SORCS2: variants seen among roughly 807,000 people sequenced by gnomAD.
SORCS2 encodes VPS10 domain-containing receptor SorCS2.
Under a neutral mutation model 141.6 loss-of-function variants are expected in SORCS2, and 100 were observed. The ratio of observed to expected loss-of-function variants is 0.71; its 90% CI spans 0.60 to 0.83. The LOEUF is 0.83. Ranked by LOEUF, SORCS2 falls within the 40% of genes least tolerant of loss-of-function variation. The pLI is 0.00. For synonymous variants in SORCS2, 789 were observed against 676.9 expected (o/e 1.17, Z -2.57); for missense variants, 1,646 against 1,560.2 (o/e 1.05, Z -0.93).
chr4:7,618,161 C>T (rs1203262447), intron 3 of SORCS2, among the ~76,000 whole-genome samples: 2 of 152,142 alleles, frequency 1.3e-5, no homozygotes, highest in Non-Finnish European at 2.9e-5. Flanking sequence ...TCACAGAAGC[C>T]TCCTCCGCAG....
intron 2 of SORCS2, among the ~76,000 whole-genome samples, chr4:7,457,371 G>A (rs1417529339): frequency 6.6e-6 from 1 of 152,260 alleles, no homozygotes; most frequent in African/African-American, 2.4e-5. Context: ...TGGGCCCCGA[G>A]TGGCTTTTGG....
intron 3 of SORCS2, among the ~76,000 whole-genome samples, chr4:7,547,543 G>A (rs879727403): frequency 9.2e-5 from 14 of 152,314 alleles, no homozygotes; most frequent in South Asian, 6.2e-4. Flanking sequence ...TCCAGACTGG[G>A]GCCTTGGCCC....
intron 3 of SORCS2, among the ~76,000 whole-genome samples, chr4:7,544,032 C>G (rs1192265108): frequency 6.8e-6 from 1 of 147,494 alleles, no homozygotes; most frequent in Admixed American, 6.8e-5. Flanking sequence ...ATCCATCCAG[C>G]CACCCACCCA....
chr4:7,720,062 GA>G (rs1726480719), intron 18 of SORCS2, among the ~76,000 whole-genome samples: 1 of 152,050 alleles, frequency 6.6e-6, no homozygotes, highest in South Asian at 2.1e-4. Context: ...CAAACACACA[GA>G]CACACACATG....
chr4:7,514,218 A>C (rs1368060999), intron 2 of SORCS2, among the ~76,000 whole-genome samples: 1 of 152,122 alleles, frequency 6.6e-6, no homozygotes, highest in Non-Finnish European at 1.5e-5. Flanking sequence ...CTGACTTGTG[A>C]CCAGGGTTGC....
intron 9 of SORCS2, among the ~76,000 whole-genome samples, chr4:7,679,697 T>C (rs1426558799): frequency 6.6e-6 from 1 of 150,456 alleles, no homozygotes; most frequent in East Asian, 2.0e-4. Context: ...ATTTGGACTC[T>C]AGCCTCCAAG....
intron 1 of SORCS2, among the ~76,000 whole-genome samples, chr4:7,352,091 C>T (rs1560212330): frequency 6.6e-6 from 1 of 152,190 alleles, no homozygotes; most frequent in East Asian, 1.9e-4. Context: ...CAGTGATGGA[C>T]AAGTCAGGTG....
At chr4:7,342,951 G>A (rs977958735) in intron 1 of SORCS2, among the ~76,000 whole-genome samples, 5 of 152,188 alleles carry the variant, frequency 3.3e-5, no homozygotes, top group Non-Finnish European at 7.3e-5. Flanking sequence ...CTCTGTCCTG[G>A]CTGTGTGGCC....
intron 14 of SORCS2, among the ~76,000 whole-genome samples, chr4:7,707,327 C>T (rs2109024553): frequency 6.6e-6 from 1 of 152,270 alleles, no homozygotes; most frequent in South Asian, 2.1e-4. Flanking sequence ...AGTCTGCCTC[C>T]CAGCTCCTGG....
At position 7,347,674 on chromosome 4, in the gene SORCS2, G is replaced by A. The variant is rs140868791; in HGVS notation, c.481-48614G>A. On this transcript the variant is annotated intron_variant, in intron 1 of 26. Coordinates refer to ENST00000507866, the MANE Select transcript of SORCS2 (RefSeq NM_020777.3). Reference sequence around the variant, plus strand: ...AGGTGAGGCATGCCATTCTGATCCTGTGGATTTGTGTGGACACTTTCCTCT... The same window carrying A: ...AGGTGAGGCATGCCATTCTGATCCTATGGATTTGTGTGGACACTTTCCTCT... Among the ~76,000 whole-genome samples the A allele has an allele frequency of 3.1e-3, 466 of 152,348 alleles. 1 individual carries two copies. The highest frequency in any genetic ancestry group is 0.01 in the African/African-American group (434 of 41,586).
At chr4:7,645,027 C>T (rs1427723294) in intron 4 of SORCS2, among the ~76,000 whole-genome samples, 1 of 152,244 alleles carries the variant, frequency 6.6e-6, no homozygotes, top group African/African-American at 2.4e-5. Flanking sequence ...CATAAAGCTC[C>T]AGGGCAGGCG....
intron 4 of SORCS2, among the ~76,000 whole-genome samples, chr4:7,639,493 TG>T (rs543602325): frequency 5.0e-5 from 7 of 140,972 alleles, no homozygotes; most frequent in East Asian, 2.7e-4. Flanking sequence ...TGAATGTGTG[TG>T]GGGGTGGGTG....
chr4:7,402,516 G>T (rs575328552), intron 2 of SORCS2, among the ~76,000 whole-genome samples: 3 of 152,296 alleles, frequency 2.0e-5, no homozygotes, highest in East Asian at 3.9e-4. Flanking sequence ...CATGTAGCAC[G>T]TGTAATCTAT....
At chr4:7,556,987 C>T (rs550137714) in intron 3 of SORCS2, among the ~76,000 whole-genome samples, 14 of 150,060 alleles carry the variant, frequency 9.3e-5, no homozygotes, top group African/African-American at 3.2e-4. Context: ...ACCTGTCCAT[C>T]CGTCCATCTA....
intron 2 of SORCS2, among the ~76,000 whole-genome samples, chr4:7,520,661 G>T (rs1319424777): frequency 2.0e-5 from 3 of 152,230 alleles, no homozygotes; most frequent in Non-Finnish European, 4.4e-5. Context: ...GGCACCGGGG[G>T]TGGCCCTAGG....
intron 1 of SORCS2, among the ~76,000 whole-genome samples, chr4:7,252,293 G>A (rs1485381290): frequency 6.6e-6 from 1 of 152,216 alleles, no homozygotes; most frequent in Non-Finnish European, 1.5e-5. Context: ...AGGAACTGAG[G>A]GGCCAGTGTG....
At chr4:7,211,236 AG>A (rs1728042774) in intron 1 of SORCS2, among the ~76,000 whole-genome samples, 1 of 113,326 alleles carries the variant, frequency 8.8e-6, no homozygotes, top group South Asian at 3.1e-4. Context: ...GGAGGGAGGG[AG>A]GGAGGGAGGC....
chr4:7,654,349 AC>A (rs1721622559), intron 5 of SORCS2, 142 bp downstream of exon 5: 2 of 803,298 alleles, frequency 2.5e-6, no homozygotes, highest in South Asian at 3.4e-5. Context: ...CCCACCGTCC[AC>A]TGCCTCTGCC....
chr4:7,652,499 C>T lies in SORCS2; in HGVS notation c.814-1635C>T, dbSNP rs1238278006. 5.9e-5 allele frequency among the ~76,000 whole-genome samples: 9 copies of T among 152,210 alleles called. No homozygotes were observed. The East Asian group carries it at 1.7e-3, about 30-fold the overall frequency. On this transcript the variant is annotated intron_variant, in intron 4 of 26. Coordinates refer to ENST00000507866, the MANE Select transcript of SORCS2 (RefSeq NM_020777.3). ...AGACCTGGGGCACTGACCCGTGGGC[C>T]CCCGACCCCGCCCACTCCTCCCAGG...
Sources: allele counts gnomAD v4.1 joint callset (sites outside exome capture counted in the v4.1 genomes callset), GRCh38; gene constraint gnomAD v4.1.1; transcripts MANE v1.5; gene names NCBI Gene and HGNC (gene_info 2026-07-23, HGNC 2026-07-21).